Variants in CHD9 observed in about 807,000 individuals in gnomAD.
CHD9 encodes chromodomain helicase DNA binding protein 9.
CHD9 carries 77 observed loss-of-function variants against 316.1 expected under a neutral mutation model. The ratio of observed to expected loss-of-function variants is 0.24; its 90% CI spans 0.20 to 0.29. The LOEUF (loss-of-function observed/expected upper bound fraction) is 0.29, where lower values mean the gene tolerates loss of function less well. Ranked by LOEUF, CHD9 falls within the 10% of genes least tolerant of loss-of-function variation. CHD9 has a pLI of 1.00. For missense variants in CHD9, 2,763 were observed against 3,438.1 expected, an observed-to-expected ratio of 0.80 and a Z score of 4.91; for synonymous variants, 1,129 against 1,158.3, an observed-to-expected ratio of 0.97 and a Z score of 0.51.
intron 1 of CHD9, among the ~76,000 whole-genome samples, chr16:53,108,812 T>C (rs1597014507): frequency 6.6e-6 from 1 of 151,606 alleles, no homozygotes; most frequent in Non-Finnish European, 1.5e-5. Flanking sequence ...GAGGCGGAGG[T>C]TGCAGTGAGC....
intron 29 of CHD9, among the ~76,000 whole-genome samples, chr16:53,293,490 C>T (rs1224923496): frequency 6.6e-6 from 1 of 151,290 alleles, no homozygotes; most frequent in African/African-American, 2.4e-5. Context: ...GTGGCGCATG[C>T]CTGTGGTCCC....
chr16:53,243,891 A>C (rs906231038), intron 13 of CHD9, among the ~76,000 whole-genome samples: 3 of 152,176 alleles, frequency 2.0e-5, no homozygotes, highest in Admixed American at 1.3e-4. Context: ...TTCAAATACA[A>C]AGAACCACAT....
intron 24 of CHD9, among the ~76,000 whole-genome samples, chr16:53,280,910 C>T (rs879811159): frequency 7.2e-5 from 11 of 152,174 alleles, no homozygotes; most frequent in Admixed American, 4.6e-4. Flanking sequence ...TTTACTCCCT[C>T]GTCCTCCATA....
At chr16:53,198,245 ATTTCT>A (rs1230821966) in intron 2 of CHD9, among the ~76,000 whole-genome samples, 1 of 151,194 alleles carries the variant, frequency 6.6e-6, no homozygotes, top group African/African-American at 2.4e-5. Flanking sequence ...CAAGTTATAA[ATTTCT>A]TTCTGAGAGA....
chr16:53,283,547 G>A (rs1362316619), intron 24 of CHD9, among the ~76,000 whole-genome samples: 1 of 152,096 alleles, frequency 6.6e-6, no homozygotes, highest in Non-Finnish European at 1.5e-5. Flanking sequence ...TTGGCAAAGG[G>A]AGCTATCTGA....
chr16:53,135,660 C>G (rs577395875), intron 1 of CHD9, among the ~76,000 whole-genome samples: 9 of 152,278 alleles, frequency 5.9e-5, no homozygotes, highest in African/African-American at 2.2e-4. Context: ...TGAACACCAT[C>G]CCTGGACAAG....
At chr16:53,161,320 C>A (rs971574655) in intron 2 of CHD9, among the ~76,000 whole-genome samples, 5 of 152,134 alleles carry the variant, frequency 3.3e-5, no homozygotes, top group African/African-American at 1.2e-4. Context: ...GAATTCATGA[C>A]AAATTTTGAC....
At chr16:53,157,566 T>C (rs2041605270) in intron 2 of CHD9, 25 bp downstream of exon 2, 1 of 1,577,594 alleles carries the variant, frequency 6.3e-7, no homozygotes, top group African/African-American at 1.4e-5. Flanking sequence ...GCTTTTATTT[T>C]GGAGATTTGG....
At chr16:53,184,963 T>A (rs1417513958) in intron 2 of CHD9, among the ~76,000 whole-genome samples, 1 of 152,200 alleles carries the variant, frequency 6.6e-6, no homozygotes. Context: ...ATTGTAAGTT[T>A]CTTGAGGCCT....
chr16:53,084,056 TA>T (rs999240804), intron 1 of CHD9, among the ~76,000 whole-genome samples: 6 of 152,068 alleles, frequency 3.9e-5, no homozygotes, highest in African/African-American at 1.4e-4. Context: ...CAGCCCTGAC[TA>T]ATTTTTGAAT....
chr16:53,073,889 G>A (rs2034305407), intron 1 of CHD9, among the ~76,000 whole-genome samples: 4 of 152,148 alleles, frequency 2.6e-5, no homozygotes, highest in African/African-American at 9.7e-5. Context: ...TACCAGTAGA[G>A]TGGGGCGCTG....
Position 53,303,953 on chromosome 16 carries a change from G to T in CHD9, c.5947G>T (p.Asp1983Tyr), listed in dbSNP as rs750893328. 2.4e-5 allele frequency: 39 copies of T among 1,613,900 alleles called. No individual in the cohort carries two copies. The highest frequency in any genetic ancestry group is 3.0e-5 in the Non-Finnish European group (35 of 1,179,900). The change falls in exon 31 of 39, where the codon GAC becomes TAC. Residue 1983 changes from aspartate to tyrosine, a missense_variant. Physicochemically the swap from Asp to Tyr is radical, Grantham distance 160 (BLOSUM62 -3). This residue lies in a region of CHD9 where 663 missense variants were observed against 751.2 expected (regional missense o/e 0.88). Coordinates refer to ENST00000447540, the MANE Select transcript of CHD9 (RefSeq NM_001308319.2). ...GAAKHGVSRT[D>Y]YHILRDPELS... The stretch of plus-strand genomic sequence containing the variant: ...TGCCAAACACGGGGTGAGCCGAACA[G>T]ACTATCACATTCTTCGTGATCCTGA...
intron 37 of CHD9, chr16:53,319,766 T>C (rs2057137030): frequency 1.8e-6 from 2 of 1,139,276 alleles, no homozygotes; most frequent in Non-Finnish European, 2.3e-6. Context: ...TTGTTCATGT[T>C]CCTTAATTTG....
chr16:53,280,477 A>G (rs2053299870), intron 24 of CHD9, among the ~76,000 whole-genome samples: 1 of 152,054 alleles, frequency 6.6e-6, no homozygotes, highest in Admixed American at 6.6e-5. Context: ...AGCTATGAGG[A>G]TGCAAAGACA....
chr16:53,143,692 A>C (rs1255658758), intron 1 of CHD9, among the ~76,000 whole-genome samples: 1 of 152,132 alleles, frequency 6.6e-6, no homozygotes, highest in Non-Finnish European at 1.5e-5. Context: ...CGGCCTCATA[A>C]TGATTTTATA....
chr16:53,154,421 A>T (rs2041357070), intron 1 of CHD9, among the ~76,000 whole-genome samples: 1 of 152,020 alleles, frequency 6.6e-6, no homozygotes, highest in Admixed American at 6.6e-5. Flanking sequence ...GGTTTTGTTG[A>T]TTCTTTAGTT....
chr16:53,302,603 T>C (rs1437380033), intron 30 of CHD9, among the ~76,000 whole-genome samples: 1 of 152,260 alleles, frequency 6.6e-6, no homozygotes. Context: ...TGATTTTTAG[T>C]ATCTGCCAGA....
In CHD9 at chr16:53,209,056, G is replaced by A. The variant is rs1198291980; in HGVS notation, c.1453-426G>A. On this transcript the variant is annotated intron_variant, in intron 2 of 38. Transcript: ENST00000447540. The stretch of plus-strand genomic sequence containing the variant: ...AAGCAGAGGTTTTATTTTTCTAAAA[G>A]CCATAATAAACTGTATGGAGTAATT... 2.0e-5 allele frequency among the ~76,000 whole-genome samples: 3 copies of A among 152,036 alleles called. No homozygotes were observed. In the East Asian group the frequency reaches 5.8e-4, roughly 29 times the overall value.
intron 20 of CHD9, among the ~76,000 whole-genome samples, chr16:53,266,313 G>T (rs891095482): frequency 6.6e-6 from 1 of 152,122 alleles, no homozygotes; most frequent in African/African-American, 2.4e-5. Flanking sequence ...TAAATATAAT[G>T]CATTCCATAC....
Sources: allele counts gnomAD v4.1 joint callset (sites outside exome capture counted in the v4.1 genomes callset), GRCh38; gene constraint gnomAD v4.1.1; regional missense constraint gnomAD v4.1.1; transcripts MANE v1.5; gene names NCBI Gene and HGNC (gene_info 2026-07-23, HGNC 2026-07-21).